Variants in PRKG2 observed in about 807,000 individuals in gnomAD.
PRKG2 encodes cGMP-dependent protein kinase 2.
In PRKG2, 33 loss-of-function variants were observed where a neutral mutation model predicts 97.2. The observed-to-expected ratio is 0.34, with a 90% CI of 0.26 to 0.45. The LOEUF is 0.45. Ranked by LOEUF, PRKG2 falls within the 20% of genes least tolerant of loss-of-function variation. The pLI, the probability that PRKG2 is intolerant of heterozygous loss-of-function variation, is 1.00. For synonymous variants in PRKG2, 330 were observed against 321.8 expected (o/e 1.03, Z -0.27); for missense variants, 638 against 900.0 (o/e 0.71, Z 3.73).
intron 2 of PRKG2, among the ~76,000 whole-genome samples, chr4:81,202,125 C>T (rs1010592818): frequency 5.3e-5 from 8 of 152,130 alleles, no homozygotes; most frequent in African/African-American, 1.9e-4. Context: ...CAGTGAAGGA[C>T]ATGTCTATCC....
chr4:81,138,089 T>C (rs779696220), intron 12 of PRKG2, among the ~76,000 whole-genome samples: 5 of 152,178 alleles, frequency 3.3e-5, no homozygotes, highest in South Asian at 2.1e-4. Flanking sequence ...CTGCAGTTGT[T>C]GGATGCATGT....
intron 18 of PRKG2, among the ~76,000 whole-genome samples, chr4:81,090,820 A>T (rs1386818131): frequency 6.6e-6 from 1 of 152,226 alleles, no homozygotes; most frequent in African/African-American, 2.4e-5. Flanking sequence ...CTGCATAACA[A>T]TCATTTTAAA....
chr4:81,130,256 C>T (rs1163381018), intron 14 of PRKG2, among the ~76,000 whole-genome samples: 3 of 152,174 alleles, frequency 2.0e-5, no homozygotes, highest in Non-Finnish European at 4.4e-5. Flanking sequence ...AGTCAGGCCC[C>T]TCTGTTGCAG....
intron 8 of PRKG2, 99 bp downstream of exon 8, chr4:81,151,861 C>A: frequency 1.1e-6 from 1 of 891,592 alleles, no homozygotes; most frequent in South Asian, 1.5e-5. Flanking sequence ...TATTTGTTGC[C>A]ATTAACTTGG....
At chr4:81,091,876 C>G (rs1432733624) in intron 18 of PRKG2, among the ~76,000 whole-genome samples, 1 of 152,118 alleles carries the variant, frequency 6.6e-6, no homozygotes, top group Non-Finnish European at 1.5e-5. Context: ...AAATGTCGCT[C>G]TTCTGAACTG....
At position 81,144,594 on chromosome 4, in the gene PRKG2, T is replaced by TTA. The variant is rs61559089; in HGVS notation, c.1155-266_1155-265dup. On this transcript the variant is annotated intron_variant, in intron 9 of 18. Transcript: ENST00000264399. Reference sequence around the variant, plus strand: ...ATAGTTTTCTGCCTTGTATTTAAGGTTATATATATATATATATTTTTTTTT... The same window carrying TTA: ...ATAGTTTTCTGCCTTGTATTTAAGGTTATATATATATATATATATTTTTTTTT... 8.5e-3 allele frequency among the ~76,000 whole-genome samples: 1,122 copies of TTA among 131,300 alleles called. 16 individuals carry two copies. Among genetic ancestry groups the TTA allele is most frequent in the African/African-American group, 0.038 (1,020 of 26,530 alleles). 86.1% of individuals were successfully genotyped at this position (131,300 alleles called of 152,430 possible).
At position 81,154,552 on chromosome 4, in the gene PRKG2, G is replaced by A. The variant is rs570031846; in HGVS notation, c.913-831C>T. 2.9e-4 allele frequency among the ~76,000 whole-genome samples: 41 copies of A among 142,964 alleles called. No individual in the cohort carries two copies. In the South Asian group the frequency reaches 4.1e-3, roughly 14 times the overall value. The allele number at this position is 142,964 out of a possible 152,430, so 93.8% of individuals were successfully genotyped here. A position where few individuals can be genotyped will look rare whatever the true frequency, so the allele number is the denominator to read the frequency against. ...AGGGTACTCCAACAGACCTGCAGCT[G>A]AGGGTCCTGTCTGTTAGAAGGAAAA... is the stretch of plus-strand genomic sequence containing the variant. On this transcript the variant is annotated intron_variant, in intron 6 of 18. Coordinates refer to ENST00000264399, the MANE Select transcript of PRKG2 (RefSeq NM_006259.3).
At chr4:81,188,388 G>C (rs1752094295) in intron 2 of PRKG2, among the ~76,000 whole-genome samples, 1 of 146,712 alleles carries the variant, frequency 6.8e-6, no homozygotes, top group Admixed American at 6.6e-5. Context: ...TGCTGGAGAG[G>C]ATGTGGAGAA....
intron 2 of PRKG2, among the ~76,000 whole-genome samples, chr4:81,176,363 A>C (rs1035292918): frequency 2.0e-5 from 3 of 152,158 alleles, no homozygotes; most frequent in Non-Finnish European, 4.4e-5. Context: ...TTTCCCTAAA[A>C]TCCAACTGTA....
intron 2 of PRKG2, among the ~76,000 whole-genome samples, chr4:81,176,648 T>A (rs1246052408): frequency 5.3e-5 from 8 of 152,182 alleles, no homozygotes. Flanking sequence ...CACTGTTTCT[T>A]TATAAGCAAA....
chr4:81,099,013 C>A (rs1384758919), intron 17 of PRKG2, among the ~76,000 whole-genome samples: 1 of 152,084 alleles, frequency 6.6e-6, no homozygotes, highest in Non-Finnish European at 1.5e-5. Context: ...CAAGGTATGC[C>A]TGAACCTGAA....
At chr4:81,163,207 CAA>C (rs1386288823) in intron 6 of PRKG2, among the ~76,000 whole-genome samples, 3 of 151,984 alleles carry the variant, frequency 2.0e-5, no homozygotes, top group Non-Finnish European at 4.4e-5. Flanking sequence ...TAGGTCAGAC[CAA>C]AAATATATAG....
chr4:81,197,111 A>G (rs1486311592), intron 2 of PRKG2, among the ~76,000 whole-genome samples: 2 of 152,206 alleles, frequency 1.3e-5, no homozygotes, highest in African/African-American at 4.8e-5. Context: ...AATGCTGCTC[A>G]CTAGGAGGCA....
chr4:81,162,055 A>G lies in PRKG2; in HGVS notation c.912+5106T>C, dbSNP rs570822126. Among the ~76,000 whole-genome samples the G allele has an allele frequency of 1.1e-4, 16 of 152,218 alleles. No homozygotes were observed. The South Asian group carries it at 2.1e-3, about 20-fold the overall frequency. ...CACAATTAATTGTTGCCATGCTAAGAAGGAGGATGATAATGATTTGCTCAG... is the reference window on the plus strand; with the variant it reads ...CACAATTAATTGTTGCCATGCTAAGGAGGAGGATGATAATGATTTGCTCAG... On this transcript the variant is annotated intron_variant, in intron 6 of 18. Transcript: ENST00000264399.
At chr4:81,171,659 A>T (rs1359769881) in intron 4 of PRKG2, 32 bp downstream of exon 4, 1 of 1,521,430 alleles carries the variant, frequency 6.6e-7, no homozygotes, top group African/African-American at 1.4e-5. Flanking sequence ...TGCCACAACA[A>T]TTCAAAGATG....
At chr4:81,171,134 C>T (rs1750436366) in intron 4 of PRKG2, among the ~76,000 whole-genome samples, 1 of 152,062 alleles carries the variant, frequency 6.6e-6, no homozygotes, top group Admixed American at 6.6e-5. Context: ...GCCCCGCATA[C>T]ATCAGCTATT....
intron 14 of PRKG2, 51 bp from the exon 15 acceptor site, chr4:81,110,662 C>T (rs1201095422): frequency 1.3e-6 from 2 of 1,594,470 alleles, no homozygotes; most frequent in Middle Eastern, 2.1e-4. Flanking sequence ...ACTCATGCTC[C>T]TCTTTAAGCC....
intron 14 of PRKG2, among the ~76,000 whole-genome samples, chr4:81,127,734 A>C (rs948547852): frequency 5.9e-5 from 9 of 152,310 alleles, no homozygotes; most frequent in African/African-American, 2.2e-4. Flanking sequence ...TTTTGGGCTG[A>C]GATGATGGGG....
At chr4:81,200,075 G>C (rs1461397579) in intron 2 of PRKG2, among the ~76,000 whole-genome samples, 1 of 152,180 alleles carries the variant, frequency 6.6e-6, no homozygotes, top group African/African-American at 2.4e-5. Flanking sequence ...TTCAGCATGA[G>C]CTCCTATTTT....
Sources: allele counts gnomAD v4.1 joint callset (sites outside exome capture counted in the v4.1 genomes callset), GRCh38; gene constraint gnomAD v4.1.1; transcripts MANE v1.5; gene names NCBI Gene and HGNC (gene_info 2026-07-23, HGNC 2026-07-21).